The following MITF variants were observed in gnomAD, a reference collection of about 807,000 sequenced individuals.
The protein encoded by MITF is melanocyte inducing transcription factor.
A neutral mutation model predicts 60.5 loss-of-function variants in MITF; 17 were observed. The ratio of observed to expected loss-of-function variants is 0.28; its 90% CI spans 0.19 to 0.42. The LOEUF (loss-of-function observed/expected upper bound fraction) is 0.42, where lower values mean the gene tolerates loss of function less well. Among genes scored for constraint, MITF ranks in the 10% least tolerant of loss-of-function variants. MITF has a pLI of 1.00. For synonymous variants in MITF, 260 were observed against 248.5 expected, an observed-to-expected ratio of 1.05 and a Z score of -0.43; for missense variants, 622 against 683.5, an observed-to-expected ratio of 0.91 and a Z score of 1.00.
At chr3:69,962,033 C>A (rs1201658902) in intron 9 of MITF, among the ~76,000 whole-genome samples, 1 of 152,162 alleles carries the variant, frequency 6.6e-6, no homozygotes. Flanking sequence ...AGATTTATCA[C>A]CTTATTTAGA....
intron 1 of MITF, among the ~76,000 whole-genome samples, chr3:69,793,750 A>G (rs1411824397): frequency 1.3e-5 from 2 of 152,192 alleles, no homozygotes; most frequent in African/African-American, 4.8e-5. Flanking sequence ...TTAGAAGTGA[A>G]TCTCAGTATT....
chr3:69,777,856 C>A (rs2106862958), intron 1 of MITF, among the ~76,000 whole-genome samples: 1 of 151,946 alleles, frequency 6.6e-6, no homozygotes, highest in East Asian at 1.9e-4. Flanking sequence ...ACTTTTTAAG[C>A]CATGGTAAGA....
At chr3:69,796,568 G>T (rs1225539200) in intron 1 of MITF, among the ~76,000 whole-genome samples, 3 of 137,154 alleles carry the variant, frequency 2.2e-5, no homozygotes, top group African/African-American at 8.2e-5. Context: ...CTGCAGTGGC[G>T]CAATCTCGGC....
chr3:69,748,575 T>G (rs948664809), intron 1 of MITF, among the ~76,000 whole-genome samples: 1 of 152,174 alleles, frequency 6.6e-6, no homozygotes, highest in African/African-American at 2.4e-5. Context: ...AATACTGGGT[T>G]GTGTGACAGC....
At position 69,956,542 on chromosome 3, in the gene MITF, C is replaced by T. The variant is rs201051430; in HGVS notation, c.1031+12C>T. The T allele has an allele frequency of 2.4e-5, 39 of 1,600,242 alleles. No individual in the cohort carries two copies. In the East Asian group the frequency reaches 6.5e-4, roughly 27 times the overall value. On this transcript the variant is annotated intron_variant, in intron 8 of 9. Transcript: ENST00000352241. ...AAGTCAAATGATCCGTGAGTACAAT[C>T]GCGTGTTAATCTGCATCATATATTT...
intron 1 of MITF, among the ~76,000 whole-genome samples, chr3:69,774,297 T>C (rs2062439990): frequency 6.6e-6 from 1 of 152,212 alleles, no homozygotes; most frequent in South Asian, 2.1e-4. Context: ...TAAGTAACTC[T>C]TATTAGAAGA....
At chr3:69,808,545 G>A (rs186966467) in intron 1 of MITF, among the ~76,000 whole-genome samples, 4 of 152,136 alleles carry the variant, frequency 2.6e-5, no homozygotes, top group African/African-American at 9.6e-5. Context: ...ATGGGTTAGG[G>A]AAGGCCTCCC....
intron 1 of MITF, among the ~76,000 whole-genome samples, chr3:69,759,175 A>G (rs2062175356): frequency 6.6e-6 from 1 of 152,224 alleles, no homozygotes; most frequent in Non-Finnish European, 1.5e-5. Context: ...CTATCAATAC[A>G]TAACTTTGTT....
chr3:69,753,640 C>T (rs925455396), intron 1 of MITF, among the ~76,000 whole-genome samples: 1 of 152,236 alleles, frequency 6.6e-6, no homozygotes, highest in Non-Finnish European at 1.5e-5. Context: ...TGGGATTGCA[C>T]TTCTTGCACT....
chr3:69,953,643 G>GTATA (rs1182758048), intron 7 of MITF, among the ~76,000 whole-genome samples: 55 of 129,364 alleles, frequency 4.3e-4, no homozygotes, highest in African/African-American at 1.5e-3. Flanking sequence ...ATATATATAT[G>GTATA]TATGTATATA....
chr3:69,834,061 A>G (rs558787855), intron 1 of MITF, among the ~76,000 whole-genome samples: 41 of 141,956 alleles, frequency 2.9e-4, no homozygotes, highest in African/African-American at 9.2e-4. Context: ...GTACATATTT[A>G]TGGGTATAAT....
intron 5 of MITF, among the ~76,000 whole-genome samples, chr3:69,945,149 T>G (rs998467017): frequency 6.6e-6 from 1 of 152,160 alleles, no homozygotes; most frequent in African/African-American, 2.4e-5. Context: ...CAATTGATAT[T>G]CAGAAAAGGG....
intron 1 of MITF, chr3:69,763,423 T>C (rs1256797176): frequency 7.3e-6 from 5 of 681,860 alleles, no homozygotes; most frequent in Non-Finnish European, 9.5e-6. Flanking sequence ...TATTTTACCT[T>C]TTATGATTAC....
chr3:69,867,450 T>C (rs905337325), intron 1 of MITF, among the ~76,000 whole-genome samples: 4 of 152,208 alleles, frequency 2.6e-5, no homozygotes, highest in Non-Finnish European at 5.9e-5. Flanking sequence ...CTTCTTGAGC[T>C]TCTATTTCTG....
intron 1 of MITF, among the ~76,000 whole-genome samples, chr3:69,754,612 C>A (rs566459722): frequency 6.6e-6 from 1 of 151,802 alleles, no homozygotes; most frequent in Non-Finnish European, 1.5e-5. Context: ...AACAGTGAAC[C>A]AATTACATCT....
intron 1 of MITF, among the ~76,000 whole-genome samples, chr3:69,794,557 T>A (rs1040978333): frequency 6.6e-6 from 1 of 152,182 alleles, no homozygotes; most frequent in Non-Finnish European, 1.5e-5. Flanking sequence ...TTGGTTGGCA[T>A]TTTAATCGTG....
At chr3:69,811,812 C>CAG (rs2063104898) in intron 1 of MITF, among the ~76,000 whole-genome samples, 1 of 152,166 alleles carries the variant, frequency 6.6e-6, no homozygotes. Context: ...ACTGTGTACA[C>CAG]AGAGAGAATC....
At chr3:69,769,747 C>G (rs571881835) in intron 1 of MITF, 50 of 152,380 alleles carry the variant, frequency 3.3e-4, no homozygotes, top group African/African-American at 1.2e-3. Flanking sequence ...TCCTGAATAG[C>G]TGGGACCACA....
intron 1 of MITF, among the ~76,000 whole-genome samples, chr3:69,744,350 T>C (rs982381179): frequency 1.2e-5 from 1 of 84,318 alleles, no homozygotes; most frequent in Non-Finnish European, 2.6e-5. Context: ...TCTTGATTTT[T>C]TTTTTGGTCT....
Sources: gnomAD v4.1 joint callset for allele counts (sites outside exome capture counted in the v4.1 genomes callset) on GRCh38, gnomAD v4.1.1 for gene constraint, MANE v1.5 for transcripts, NCBI Gene and HGNC (gene_info 2026-07-23, HGNC 2026-07-21) for gene names.